The following BRDT variants were observed in gnomAD, a reference collection of about 807,000 sequenced individuals.
BRDT encodes the protein bromodomain testis-specific protein.
BRDT carries 77 observed loss-of-function variants against 113.9 expected under a neutral mutation model. The ratio of observed to expected loss-of-function variants is 0.68; its 90% confidence interval spans 0.56 to 0.82. BRDT has a LOEUF of 0.82. BRDT is among the 40% of genes least tolerant of loss of function. The pLI is 0.00. For synonymous variants in BRDT, 358 were observed against 366.5 expected, an observed-to-expected ratio of 0.98 and a Z score of 0.26; for missense variants, 1,027 against 1,105.4, an observed-to-expected ratio of 0.93 and a Z score of 1.01.
intron 6 of BRDT, 21 bp downstream of exon 6, chr1:91,977,414 A>T: frequency 2.1e-6 from 3 of 1,452,054 alleles, no homozygotes; most frequent in Non-Finnish European, 2.8e-6. Context: ...CCTTAAAAGG[A>T]AGAACTTCTT....
At chr1:91,970,830 A>C (rs1418332355) in intron 4 of BRDT, among the ~76,000 whole-genome samples, 1 of 149,890 alleles carries the variant, frequency 6.7e-6, no homozygotes, top group Non-Finnish European at 1.5e-5. Flanking sequence ...GATTGCTTGA[A>C]CCCAGTGGGT....
chr1:91,981,606 T>C lies in BRDT; in HGVS notation c.1865-12T>C, dbSNP rs1235057664. On this transcript the variant is annotated splice_polypyrimidine_tract_variant and intron_variant, in intron 11 of 18. Coordinates refer to ENST00000399546, the MANE Select transcript of BRDT (RefSeq NM_207189.4). ...TTCTTCTGGCATTTTAATATGTTTC[T>C]CTGTTTTGTAGCTGATAAAACGCAA... The C allele has an allele frequency of 6.2e-7, 1 of 1,609,084 alleles. No homozygotes were observed. Among genetic ancestry groups the C allele is most frequent in the Non-Finnish European group, 8.5e-7 (1 of 1,178,230 alleles).
chr1:91,981,656 T>G lies in BRDT; in HGVS notation c.1903T>G (p.Ser635Ala). The change falls in exon 12 of 19, where the codon TCC becomes GCC. Residue 635 changes from serine to alanine, a missense_variant. Coordinates refer to ENST00000399546, the MANE Select transcript of BRDT (RefSeq NM_207189.4). ...TQPSKAVENVSRLSESSSSSS... is the reference protein window; with the variant it reads ...TQPSKAVENVARLSESSSSSS... ...ACCATCCAAAGCTGTTGAAAATGTT[T>G]CCCGACTGAGTGAGAGCAGCAGCAG... is the stretch of plus-strand genomic sequence containing the variant. 1.9e-6 allele frequency: 3 copies of G among 1,614,196 alleles called. No individual in the cohort carries two copies. Among genetic ancestry groups the G allele is most frequent in the Non-Finnish European group, 2.5e-6 (3 of 1,180,018 alleles).
chr1:92,006,971 T>C (rs559201047), intron 18 of BRDT, among the ~76,000 whole-genome samples: 31 of 152,138 alleles, frequency 2.0e-4, no homozygotes, highest in African/African-American at 7.5e-4. Flanking sequence ...GTATTTTTAG[T>C]AGAGACAGGG....
chr1:92,006,481 A>G (rs1279128376), intron 18 of BRDT, among the ~76,000 whole-genome samples: 2 of 151,378 alleles, frequency 1.3e-5, no homozygotes, highest in East Asian at 1.9e-4. Context: ...GTTTGTTTTT[A>G]TCGAGATGAA....
Position 91,991,166 on chromosome 1 carries a change from A to G in BRDT, c.2003-18A>G, listed in dbSNP as rs200055079. The G allele has an allele frequency of 3.5e-4, 492 of 1,416,058 alleles. 1 individual carries two copies. The African/African-American group carries it at 6.8e-3, about 19-fold the overall frequency. The allele number at this position is 1,416,058 out of a possible 1,614,324, so 87.7% of individuals were successfully genotyped here. Reference sequence around the variant, plus strand: ...TAAGCTAATAAATATTAAAATATTTATGTGTATACATTTGCAGAAATGTTC... The same window carrying G: ...TAAGCTAATAAATATTAAAATATTTGTGTGTATACATTTGCAGAAATGTTC... On this transcript the variant is annotated intron_variant, in intron 12 of 18. Coordinates refer to ENST00000399546, the MANE Select transcript of BRDT (RefSeq NM_207189.4).
At chr1:91,976,909 C>A in intron 5 of BRDT, 134 bp from the exon 6 acceptor site, 1 of 681,822 alleles carries the variant, frequency 1.5e-6, no homozygotes, top group Non-Finnish European at 2.3e-6. Context: ...CATGGATTGA[C>A]AACAATATGT....
intron 12 of BRDT, among the ~76,000 whole-genome samples, chr1:91,986,860 CTAAA>C (rs1433763672): frequency 2.0e-5 from 3 of 151,772 alleles, no homozygotes; most frequent in African/African-American, 7.3e-5. Context: ...AGGAAAGCCT[CTAAA>C]TAATCTTTGC....
intron 18 of BRDT, among the ~76,000 whole-genome samples, chr1:92,005,626 A>G (rs1187567603): frequency 6.6e-6 from 1 of 152,206 alleles, no homozygotes; most frequent in Non-Finnish European, 1.5e-5. Context: ...TGTGGGTGAC[A>G]GAGCAACATG....
chr1:92,008,644 G>A (rs953524963), intron 18 of BRDT, among the ~76,000 whole-genome samples: 1 of 152,164 alleles, frequency 6.6e-6, no homozygotes, highest in Non-Finnish European at 1.5e-5. Flanking sequence ...TGCCCTGAAA[G>A]TCTCCTGTGG....
chr1:92,004,565 G>A lies in BRDT; in HGVS notation c.2540G>A (p.Arg847Gln), dbSNP rs760550779. 1.3e-5 allele frequency: 21 copies of A among 1,612,230 alleles called. No individual in the cohort carries two copies. The African/African-American group carries it at 1.5e-4, about 11-fold the overall frequency. ...AAAGCTCGGACACAGGAACTCATAC[G>A]GAAGCATTTGGAACAAAATACAAAG... is the stretch of plus-strand genomic sequence containing the variant. ...EVKARTQELI[R>Q]KHLEQNTKEL... is the part of the protein sequence containing the mutation. The change falls in exon 17 of 19, where the codon CGG becomes CAG. Residue 847 changes from arginine to glutamine, a missense_variant. Transcript: ENST00000399546.
chr1:91,989,182 G>A (rs1436873499), intron 12 of BRDT, among the ~76,000 whole-genome samples: 2 of 122,108 alleles, frequency 1.6e-5, no homozygotes, highest in Middle Eastern at 3.8e-3. Context: ...TTTTTTTTTA[G>A]TAGAACACCA....
intron 1 of BRDT, among the ~76,000 whole-genome samples, chr1:91,952,866 G>T (rs764889386): frequency 6.6e-6 from 1 of 151,422 alleles, no homozygotes; most frequent in Non-Finnish European, 1.5e-5. Flanking sequence ...AAGAGTTCTA[G>T]ATAGAAAAAG....
Position 91,959,638 on chromosome 1 carries a change from G to A in BRDT, c.-37-3080G>A, listed in dbSNP as rs1682208192. Among the ~76,000 whole-genome samples the A allele has an allele frequency of 2.6e-5, 4 of 151,776 alleles. No homozygotes were observed. The South Asian group carries it at 6.2e-4, about 24-fold the overall frequency. ...TGGGACTACAGATGTGCACCACCAC[G>A]CCTGACTGATTTTTGTATTTTTTGC... On this transcript the variant is annotated intron_variant, in intron 1 of 18. Transcript: ENST00000399546.
In BRDT at chr1:91,979,677, A is replaced by G. The variant is rs558537881; in HGVS notation, c.1207A>G (p.Asn403Asp). The change falls in exon 8 of 19, where the codon AAT becomes GAT. Residue 403 changes from asparagine (N) to aspartate (D), a missense_variant. Coordinates refer to ENST00000399546, the MANE Select transcript of BRDT (RefSeq NM_207189.4). ...AGAAACCACTGGTAGAGAGAACACT[A>G]ATGAAGCCTCCTCTGAAGGGAACTC... ...ITETTGRENTNEASSEGNSSD... is the reference protein window; with the variant it reads ...ITETTGRENTDEASSEGNSSD... The G allele has an allele frequency of 1.9e-6, 3 of 1,614,092 alleles. No homozygotes were observed. The highest frequency in any genetic ancestry group is 1.6e-4 in the Middle Eastern group (1 of 6,062).
Position 91,977,154 on chromosome 1 carries a change from C to A in BRDT, c.730C>A (p.Pro244Thr). ...CACAGAAAAATCAGTGGCACTGCCA[C>A]CTATAAAAGAAAATATGCCAAAGAA... Reference protein sequence around the residue: ...TFTEKSVALPPIKENMPKNVL... With the variant: ...TFTEKSVALPTIKENMPKNVL... The change falls in exon 6 of 19, where the codon CCT (proline) becomes ACT (threonine). Residue 244 changes from proline (P) to threonine (T), a missense_variant. By Grantham distance (38) the Pro-to-Thr change is conservative. Coordinates refer to ENST00000399546, the MANE Select transcript of BRDT (RefSeq NM_207189.4). 6.2e-7 allele frequency: 1 copy of A among 1,614,002 alleles called. No individual in the cohort carries two copies. The highest frequency in any genetic ancestry group is 8.5e-7 in the Non-Finnish European group (1 of 1,179,968).
At position 91,954,271 on chromosome 1, in the gene BRDT, ATTTTTTTTTTTTTT is replaced by A. The variant is rs34674557; in HGVS notation, c.-38+4602_-38+4615del. Among the ~76,000 whole-genome samples the A allele has an allele frequency of 7.0e-3, 561 of 79,798 alleles. 2 individuals carry two copies. Among genetic ancestry groups the A allele is most frequent in the Admixed American group, 0.013 (80 of 6,288 alleles). 52.4% of individuals were successfully genotyped at this position (79,798 alleles called of 152,430 possible). A position where few individuals can be genotyped will look rare whatever the true frequency, so the allele number is the denominator to read the frequency against. ...TTAGGTGCGAGCCACGGTGCTCGGCATTTTTTTTTTTTTTTTTTTTTTTTTTGAGGCAAGTTCTC... is the reference window on the plus strand; with the variant it reads ...TTAGGTGCGAGCCACGGTGCTCGGCATTTTTTTTTTTTGAGGCAAGTTCTC... On this transcript the variant is annotated intron_variant, in intron 1 of 18. Coordinates refer to ENST00000399546, the MANE Select transcript of BRDT (RefSeq NM_207189.4).
intron 12 of BRDT, among the ~76,000 whole-genome samples, chr1:91,988,765 C>T (rs4658122): frequency 0.72 from 108,684 of 151,964 alleles, 39,915 homozygotes; most frequent in Middle Eastern, 0.82. Context: ...TGAAATATGG[C>T]TGTAGTTTGG....
At chr1:91,970,132 C>T (rs1427793538) in intron 4 of BRDT, among the ~76,000 whole-genome samples, 1 of 151,506 alleles carries the variant, frequency 6.6e-6, no homozygotes, top group East Asian at 1.9e-4. Context: ...ACCTGGCCTA[C>T]ATTTAAGTTT....
Sources: gnomAD v4.1 joint callset for allele counts (sites outside exome capture counted in the v4.1 genomes callset) on GRCh38, gnomAD v4.1.1 for gene constraint, MANE v1.5 for transcripts, NCBI Gene and HGNC (gene_info 2026-07-23, HGNC 2026-07-21) for gene names.